Variants in PI4K2B observed in about 807,000 individuals in gnomAD.
PI4K2B encodes the protein phosphatidylinositol 4-kinase type 2-beta.
A neutral mutation model predicts 56.6 loss-of-function variants in PI4K2B; 46 were observed. That is an observed-to-expected ratio of 0.81 (90% CI 0.64 to 1.04). PI4K2B has a LOEUF of 1.04. PI4K2B is among the 50% of genes least tolerant of loss of function. PI4K2B has a pLI of 0.00. For synonymous variants in PI4K2B, 211 were observed against 223.8 expected (o/e 0.94, Z 0.51); for missense variants, 556 against 607.7 (o/e 0.91, Z 0.89).
At chr4:25,269,352 T>C (rs1040085763) in intron 9 of PI4K2B, 149 bp downstream of exon 9, 12 of 555,548 alleles carry the variant, frequency 2.2e-5, no homozygotes, top group African/African-American at 3.8e-5. Context: ...ATGAAGTTGA[T>C]TCGGCCGACT....
Position 25,234,270 on chromosome 4 carries a change from C to A in PI4K2B, c.107C>A (p.Ala36Asp), listed in dbSNP as rs1715135281. ...REPLLPRIAW[A>D]HPRRGAPGSA... ...CCGCTGCTACCGCGGATCGCCTGGG[C>A]CCACCCGCGGAGAGGCGCCCCAGGC... The change falls in exon 1 of 10, where the codon GCC becomes GAC. Residue 36 changes from alanine to aspartate, a missense_variant. Ala to Asp is a moderately radical substitution (Grantham distance 126, BLOSUM62 -2). Transcript: ENST00000264864. The A allele has an allele frequency of 7.0e-7, 1 of 1,423,834 alleles. No individual in the cohort carries two copies. Among genetic ancestry groups the A allele is most frequent in the Non-Finnish European group, 9.2e-7 (1 of 1,085,234 alleles). 88.2% of individuals were successfully genotyped at this position (1,423,834 alleles called of 1,614,324 possible).
At position 25,261,714 on chromosome 4, in the gene PI4K2B, C is replaced by T. The variant is rs1390365705; in HGVS notation, c.978+1123C>T. Among the ~76,000 whole-genome samples the T allele has an allele frequency of 2.9e-5, 4 of 139,164 alleles. 1 individual carries two copies. In the South Asian group the frequency reaches 7.2e-4, roughly 25 times the overall value. 91.3% of individuals were successfully genotyped at this position (139,164 alleles called of 152,430 possible). ...ATTATGCTGAGTGAAAGAAGCTACA[C>T]ATAAAGGGAACATATTGTATATTTA... is the stretch of plus-strand genomic sequence containing the variant. On this transcript the variant is annotated intron_variant, in intron 6 of 9. Transcript: ENST00000264864.
Position 25,256,183 on chromosome 4 carries a change from G to A in PI4K2B, c.625-360G>A, listed in dbSNP as rs553949492. Reference sequence around the variant, plus strand: ...TCTACCTGCCACAGCCCCCCAGAGTGTTGGGATTACAGGCATGAGCCACTG... The same window carrying A: ...TCTACCTGCCACAGCCCCCCAGAGTATTGGGATTACAGGCATGAGCCACTG... On this transcript the variant is annotated intron_variant, in intron 3 of 9. Transcript: ENST00000264864. Among the ~76,000 whole-genome samples, 10 of 152,322 alleles carry A rather than the reference G, an allele frequency of 6.6e-5. 1 individual carries two copies. In the South Asian group the frequency reaches 1.9e-3, roughly 28 times the overall value.
intron 3 of PI4K2B, among the ~76,000 whole-genome samples, chr4:25,255,854 C>G (rs894605595): frequency 2.6e-5 from 4 of 152,130 alleles, no homozygotes; most frequent in Admixed American, 6.5e-5. Context: ...AGGTGATCCT[C>G]CCACCTCAGC....
chr4:25,264,920 G>T (rs996351216), intron 7 of PI4K2B, among the ~76,000 whole-genome samples: 2 of 151,722 alleles, frequency 1.3e-5, no homozygotes, highest in African/African-American at 2.4e-5. Context: ...ATCTGGCTGG[G>T]TGCAGTGGCT....
chr4:25,240,132 G>A (rs1267155567), intron 1 of PI4K2B, among the ~76,000 whole-genome samples: 1 of 152,222 alleles, frequency 6.6e-6, no homozygotes, highest in South Asian at 2.1e-4. Context: ...AAGGGGAGAA[G>A]TCATGTTGCC....
At chr4:25,249,020 G>C (rs957699705) in intron 1 of PI4K2B, among the ~76,000 whole-genome samples, 3 of 152,074 alleles carry the variant, frequency 2.0e-5, no homozygotes, top group Admixed American at 2.0e-4. Flanking sequence ...GACTCTTAAC[G>C]AGTATGCTGC....
intron 7 of PI4K2B, among the ~76,000 whole-genome samples, chr4:25,266,673 G>T (rs1016524044): frequency 6.6e-6 from 1 of 152,194 alleles, no homozygotes; most frequent in Non-Finnish European, 1.5e-5. Flanking sequence ...TACCAAACAT[G>T]CAGTTGGGGA....
rs1395858755 is a variant in PI4K2B at position 25,259,163 on chromosome 4, A to G, written c.883A>G (p.Ile295Val). Reference protein sequence around the residue: ...QFQSQFERLVILDYIIRNTDR... With the variant: ...QFQSQFERLVVLDYIIRNTDR... ...TCAGTCACAATTTGAAAGATTAGTT[A>G]TTTTGGATTACATCATCAGAAATAC... The change falls in exon 5 of 10, where the codon ATT becomes GTT. Residue 295 changes from isoleucine to valine, a missense_variant. By Grantham distance (29) the Ile-to-Val change is conservative. Transcript: ENST00000264864. The G allele has an allele frequency of 6.3e-7, 1 of 1,574,848 alleles. No individual in the cohort carries two copies. Among genetic ancestry groups the G allele is most frequent in the Admixed American group, 1.7e-5 (1 of 58,280 alleles).
chr4:25,240,315 G>A (rs1399583281), intron 1 of PI4K2B, among the ~76,000 whole-genome samples: 1 of 152,196 alleles, frequency 6.6e-6, no homozygotes, highest in African/African-American at 2.4e-5. Context: ...GGCGGTTTTG[G>A]AGATTCACTG....
At chr4:25,246,429 T>C (rs576215706) in intron 1 of PI4K2B, among the ~76,000 whole-genome samples, 10 of 152,340 alleles carry the variant, frequency 6.6e-5, no homozygotes, top group African/African-American at 2.4e-4. Context: ...ATTAGCTAGA[T>C]ACAGAGCACT....
At chr4:25,234,507 C>T (rs1236144043) in intron 1 of PI4K2B, 76 bp downstream of exon 1, 13 of 1,072,982 alleles carry the variant, frequency 1.2e-5, no homozygotes, top group Non-Finnish European at 1.5e-5. Context: ...TCCTGTCTCC[C>T]GCGCGCGCTG....
In PI4K2B at chr4:25,269,818, A is replaced by C. The variant is rs1054809933; in HGVS notation, c.1272+615A>C. 1.1e-3 allele frequency among the ~76,000 whole-genome samples: 164 copies of C among 150,840 alleles called. 1 individual carries two copies. Among genetic ancestry groups the C allele is most frequent in the Non-Finnish European group, 1.9e-3 (131 of 67,646 alleles). On this transcript the variant is annotated intron_variant, in intron 9 of 9. Coordinates refer to ENST00000264864, the MANE Select transcript of PI4K2B (RefSeq NM_018323.4). Reference sequence around the variant, plus strand: ...AAGCTCCGCCTCCCAGGTTCATGCCATTCTCCTGCCTCAGCCTCCCGAGTA... The same window carrying C: ...AAGCTCCGCCTCCCAGGTTCATGCCCTTCTCCTGCCTCAGCCTCCCGAGTA...
intron 9 of PI4K2B, among the ~76,000 whole-genome samples, chr4:25,273,221 A>G (rs879889630): frequency 8.5e-5 from 13 of 152,232 alleles, no homozygotes; most frequent in Non-Finnish European, 1.6e-4. Context: ...GCAATAGGTC[A>G]TAATCAGGGT....
intron 1 of PI4K2B, among the ~76,000 whole-genome samples, chr4:25,239,335 G>A (rs1340768486): frequency 1.3e-5 from 2 of 152,190 alleles, no homozygotes; most frequent in African/African-American, 2.4e-5. Flanking sequence ...GGATCCCACA[G>A]CAGCAGGGGG....
At chr4:25,240,978 G>A (rs2109084822) in intron 1 of PI4K2B, among the ~76,000 whole-genome samples, 1 of 152,134 alleles carries the variant, frequency 6.6e-6, no homozygotes, top group Non-Finnish European at 1.5e-5. Context: ...GCCTCTGCCA[G>A]CCACTTATGC....
intron 1 of PI4K2B, among the ~76,000 whole-genome samples, chr4:25,247,665 C>T (rs1455459269): frequency 1.3e-5 from 2 of 152,086 alleles, no homozygotes; most frequent in African/African-American, 4.8e-5. Flanking sequence ...CGCCAAAAGC[C>T]CTGAGGCTGG....
intron 6 of PI4K2B, 117 bp downstream of exon 6, chr4:25,260,708 T>TTA (rs142981071): frequency 6.0e-4 from 154 of 255,744 alleles, no homozygotes; most frequent in Middle Eastern, 1.5e-3. Context: ...CTTGTGAATA[T>TTA]TATATATATA....
chr4:25,264,701 T>A (rs946206381), intron 7 of PI4K2B, among the ~76,000 whole-genome samples: 2 of 151,146 alleles, frequency 1.3e-5, no homozygotes, highest in African/African-American at 2.4e-5. Context: ...CGAAACCCCA[T>A]CTCTACAAAA....
Sources: allele counts gnomAD v4.1 joint callset (sites outside exome capture counted in the v4.1 genomes callset), GRCh38; gene constraint gnomAD v4.1.1; transcripts MANE v1.5; gene names NCBI Gene and HGNC (gene_info 2026-07-23, HGNC 2026-07-21).